The following MRPL42 variants were observed in gnomAD, a reference collection of about 807,000 sequenced individuals.
The protein encoded by MRPL42 is mitochondrial ribosomal protein L42, also known as large ribosomal subunit protein mL42.
Under a neutral mutation model 17.9 loss-of-function variants are expected in MRPL42, and 17 were observed. The observed-to-expected ratio is 0.95, with a 90% CI of 0.65 to 1.42. The LOEUF (loss-of-function observed/expected upper bound fraction) is 1.42. Ranked by LOEUF, MRPL42 falls within the 40% of genes most tolerant of loss-of-function variation. The probability of loss-of-function intolerance (pLI) is 0.00; values close to 1 mark genes in which losing one functional copy is unlikely to be tolerated. For missense variants in MRPL42, 177 were observed against 175.2 expected, an observed-to-expected ratio of 1.01 and a Z score of -0.06; for synonymous variants, 59 against 54.4, an observed-to-expected ratio of 1.08 and a Z score of -0.37.
intron 1 of MRPL42, among the ~76,000 whole-genome samples, chr12:93,468,516 A>G (rs1439755782): frequency 6.6e-6 from 1 of 152,192 alleles, no homozygotes; most frequent in Non-Finnish European, 1.5e-5. Flanking sequence ...AGACGTTTAA[A>G]TTTTGTACTT....
At chr12:93,491,213 A>G (rs2121248999) in intron 5 of MRPL42, among the ~76,000 whole-genome samples, 1 of 152,338 alleles carries the variant, frequency 6.6e-6, no homozygotes, top group East Asian at 1.9e-4. Flanking sequence ...TTTAAAAAGT[A>G]TTTTTAAACT....
At chr12:93,496,396 T>G (rs1044153963) in intron 5 of MRPL42, among the ~76,000 whole-genome samples, 53 of 151,478 alleles carry the variant, frequency 3.5e-4, no homozygotes, top group African/African-American at 1.1e-3. Flanking sequence ...CAGAGAAGAT[T>G]TAACCAAAAA....
At chr12:93,501,144 C>G in intron 5 of MRPL42, 32 bp from the exon 6 acceptor site, 1 of 1,485,212 alleles carries the variant, frequency 6.7e-7, no homozygotes, top group Non-Finnish European at 9.1e-7. Flanking sequence ...TTATTAAAAT[C>G]ATCTTATTCC....
rs1221114158 is a variant in MRPL42 at position 93,503,169 on chromosome 12, C to T, written c.*1948C>T. The T allele has an allele frequency of 6.6e-6, 1 of 152,114 alleles. No homozygotes were observed. Among genetic ancestry groups the T allele is most frequent in the Non-Finnish European group, 1.5e-5 (1 of 68,028 alleles). 9.4% of individuals were successfully genotyped at this position (152,114 alleles called of 1,614,324 possible). ...AATACATTTAGCTTCATGAAAAACT[C>T]ACTACACAGTTCTTGTTCAAGCATT... On this transcript the variant is annotated 3_prime_UTR_variant, in exon 6 of 6. Transcript: ENST00000549982.
At chr12:93,487,986 T>G (rs1466966449) in intron 5 of MRPL42, 2 of 217,596 alleles carry the variant, frequency 9.2e-6, no homozygotes, top group African/African-American at 5.0e-5. Flanking sequence ...TTTTTTTTTT[T>G]GAGACAAAGA....
intron 2 of MRPL42, among the ~76,000 whole-genome samples, chr12:93,473,956 A>G (rs182899052): frequency 6.6e-6 from 1 of 152,286 alleles, no homozygotes; most frequent in African/African-American, 2.4e-5. Flanking sequence ...TATAGGGGAC[A>G]CAGTAATGAA....
chr12:93,473,400 T>A (rs770340830), intron 2 of MRPL42, among the ~76,000 whole-genome samples: 6 of 152,006 alleles, frequency 3.9e-5, no homozygotes, highest in Non-Finnish European at 7.4e-5. Context: ...TAAGCAAGAC[T>A]ACAGATGTGT....
intron 4 of MRPL42, among the ~76,000 whole-genome samples, chr12:93,487,074 C>T (rs1258107644): frequency 1.3e-5 from 2 of 152,140 alleles, no homozygotes; most frequent in Non-Finnish European, 2.9e-5. Context: ...AGTGATCCTC[C>T]CACTTCAGCC....
At position 93,512,535 on chromosome 12, in the gene MRPL42, C is replaced by T. The variant is rs928294983; in HGVS notation, c.*11314C>T. On this transcript the variant is annotated 3_prime_UTR_variant, in exon 6 of 6. Coordinates refer to ENST00000549982, the MANE Select transcript of MRPL42 (RefSeq NM_014050.4). ...GTTACTATCTTCAATTATCTGAAGA[C>T]AGTTCTGATAGCTTCAGAATTCTTT... 1 of 152,604 alleles carries T rather than the reference C, an allele frequency of 6.6e-6. No individual in the cohort carries two copies. The highest frequency in any genetic ancestry group is 6.5e-5 in the Admixed American group (1 of 15,268). The allele number at this position is 152,604 out of a possible 1,614,324, so 9.5% of individuals were successfully genotyped here. A position where few individuals can be genotyped will look rare whatever the true frequency, so the allele number is the denominator to read the frequency against.
Position 93,505,911 on chromosome 12 carries a change from CTTTTTT to C in MRPL42, c.*4705_*4710del, listed in dbSNP as rs750799768. 2 of 122,634 alleles carry C rather than the reference CTTTTTT, an allele frequency of 1.6e-5. No homozygotes were observed. Among genetic ancestry groups the C allele is most frequent in the African/African-American group, 3.1e-5 (1 of 32,278 alleles). 7.6% of individuals were successfully genotyped at this position (122,634 alleles called of 1,614,324 possible). A position where few individuals can be genotyped will look rare whatever the true frequency, so the allele number is the denominator to read the frequency against. On this transcript the variant is annotated 3_prime_UTR_variant, in exon 6 of 6. Transcript: ENST00000549982. ...TAGAACCTTATGATTACTTCTGAGT[CTTTTTT>C]TTTTTTTTTTTTTTGAGATGGAGTT...
rs570966403 is a variant in MRPL42, at chr12:93,492,155, G to T, written c.383+4495G>T. Among the ~76,000 whole-genome samples the T allele has an allele frequency of 1.8e-3, 276 of 152,262 alleles. 2 individuals are homozygous for T. Among genetic ancestry groups the T allele is most frequent in the African/African-American group, 6.4e-3 (266 of 41,552 alleles). On this transcript the variant is annotated intron_variant, in intron 5 of 5. Transcript: ENST00000549982. ...TACCTAGTAATGGGATTGGTGGGTC[G>T]AATGGGAGTTCTGTTTTTAGTTCTT...
At chr12:93,491,977 C>G (rs1481726125) in intron 5 of MRPL42, among the ~76,000 whole-genome samples, 1 of 152,156 alleles carries the variant, frequency 6.6e-6, no homozygotes, top group African/African-American at 2.4e-5. Flanking sequence ...GTATAGTATT[C>G]CATGGTGTAT....
rs1246406418 is a variant in MRPL42, at chr12:93,469,417, A to G, written c.70+62A>G. On this transcript the variant is annotated intron_variant, in intron 2 of 5. Coordinates refer to ENST00000549982, the MANE Select transcript of MRPL42 (RefSeq NM_014050.4). ...AACTTTTAAGAATTAAGAAAATTTAAAGCATTTAGTTATTGTATATGCCTG... is the reference window on the plus strand; with the variant it reads ...AACTTTTAAGAATTAAGAAAATTTAGAGCATTTAGTTATTGTATATGCCTG... 12 of 1,294,874 alleles carry G rather than the reference A, an allele frequency of 9.3e-6. No homozygotes were observed. The East Asian group carries it at 1.0e-4, about 11-fold the overall frequency. 80.2% of individuals were successfully genotyped at this position (1,294,874 alleles called of 1,614,324 possible). A position where few individuals can be genotyped will look rare whatever the true frequency, so the allele number is the denominator to read the frequency against.
chr12:93,487,991 CAA>C (rs1953339945), intron 5 of MRPL42: 2 of 229,364 alleles, frequency 8.7e-6, no homozygotes, highest in African/African-American at 2.4e-5. Flanking sequence ...TTTTTTGAGA[CAA>C]AGAGTCTTGC....
intron 5 of MRPL42, among the ~76,000 whole-genome samples, chr12:93,495,996 A>G (rs1019302071): frequency 5.9e-5 from 9 of 152,214 alleles, no homozygotes; most frequent in African/African-American, 2.2e-4. Context: ...ATACCCATAC[A>G]TTGTATTAAG....
intron 2 of MRPL42, among the ~76,000 whole-genome samples, chr12:93,472,974 G>T (rs1879980348): frequency 6.6e-6 from 1 of 152,124 alleles, no homozygotes; most frequent in Non-Finnish European, 1.5e-5. Flanking sequence ...ACCTTACTTT[G>T]TCCTGTATAC....
intron 3 of MRPL42, 148 bp from the exon 4 acceptor site, chr12:93,479,240 C>T (rs1486411244): frequency 4.4e-5 from 17 of 386,454 alleles, no homozygotes; most frequent in African/African-American, 8.5e-5. Flanking sequence ...ATTATTAGGC[C>T]GGGCACTAAT....
At chr12:93,483,900 T>C (rs1004929325) in intron 4 of MRPL42, among the ~76,000 whole-genome samples, 6 of 152,164 alleles carry the variant, frequency 3.9e-5, no homozygotes, top group African/African-American at 1.4e-4. Context: ...TCTATAAGCT[T>C]TTTTGTATTA....
chr12:93,469,404 T>A, intron 2 of MRPL42, 49 bp downstream of exon 2: 1 of 1,360,760 alleles, frequency 7.3e-7, no homozygotes. Context: ...CTTTTAAGAA[T>A]TAAGAAAATT....
Sources: allele counts gnomAD v4.1 joint callset (sites outside exome capture counted in the v4.1 genomes callset), GRCh38; gene constraint gnomAD v4.1.1; transcripts MANE v1.5; gene names NCBI Gene and HGNC (gene_info 2026-07-23, HGNC 2026-07-21).